Variants in LRRIQ3 observed in about 807,000 individuals in gnomAD.
LRRIQ3 encodes the protein leucine-rich repeat and IQ domain-containing protein 3.
Under a neutral mutation model 59.3 loss-of-function variants are expected in LRRIQ3, and 75 were observed. The observed-to-expected ratio is 1.26, with a 90% CI of 1.05 to 1.53. LRRIQ3 has a LOEUF of 1.53. Among genes scored for constraint, LRRIQ3 ranks in the 40% most tolerant of loss-of-function variants. The probability of loss-of-function intolerance (pLI) is 0.00; values close to 1 mark genes in which losing one functional copy is unlikely to be tolerated. For missense variants in LRRIQ3, 831 were observed against 710.0 expected (o/e 1.17, Z -1.94); for synonymous variants, 250 against 231.3 (o/e 1.08, Z -0.73).
intron 4 of LRRIQ3, among the ~76,000 whole-genome samples, chr1:74,120,489 G>A (rs1306838991): frequency 1.3e-5 from 2 of 151,820 alleles, no homozygotes; most frequent in Non-Finnish European, 2.9e-5. Context: ...ATATGCAATT[G>A]GAATTTTGTT....
chr1:74,176,795 G>C (rs927318324), intron 3 of LRRIQ3, among the ~76,000 whole-genome samples: 1 of 151,996 alleles, frequency 6.6e-6, no homozygotes, highest in African/African-American at 2.4e-5. Context: ...AGCAGGGAGG[G>C]GCAGGAATGT....
At chr1:74,103,395 T>C (rs892231682) in intron 5 of LRRIQ3, among the ~76,000 whole-genome samples, 3 of 151,930 alleles carry the variant, frequency 2.0e-5, no homozygotes, top group Admixed American at 1.3e-4. Flanking sequence ...AACCCTAAAA[T>C]GAGAGTTATA....
chr1:74,049,880 C>T (rs1398503474), intron 6 of LRRIQ3, among the ~76,000 whole-genome samples: 1 of 151,104 alleles, frequency 6.6e-6, no homozygotes, highest in African/African-American at 2.4e-5. Flanking sequence ...CCTAGTAATA[C>T]TCAGGTTAAA....
Position 74,109,439 on chromosome 1 carries a change from G to A in LRRIQ3, c.822C>T (p.Phe274=), listed in dbSNP as rs1557619598. ...YEDKLLKDLF[F]KPETNIKGKL... Reference sequence around the variant, plus strand: ...TTCCTTTTATATTAGTTTCAGGTTTGAAAAAGAGATCCTTAAGGAGCTTAT... The same window carrying A: ...TTCCTTTTATATTAGTTTCAGGTTTAAAAAAGAGATCCTTAAGGAGCTTAT... Residue 274 remains phenylalanine (F), a synonymous_variant, in exon 5 of 8, where the codon TTC becomes TTT. Transcript: ENST00000354431. 1 of 1,565,378 alleles carries A rather than the reference G, an allele frequency of 6.4e-7. No homozygotes were observed. The highest frequency in any genetic ancestry group is 8.7e-7 in the Non-Finnish European group (1 of 1,156,040).
intron 3 of LRRIQ3, among the ~76,000 whole-genome samples, chr1:74,159,237 T>C (rs184017216): frequency 6.6e-6 from 1 of 152,300 alleles, no homozygotes; most frequent in Non-Finnish European, 1.5e-5. Flanking sequence ...ATCAGCTTTT[T>C]GAATAAGGTC....
At chr1:74,042,025 CT>C in intron 6 of LRRIQ3, 92 bp from the exon 7 acceptor site, 1 of 1,250,210 alleles carries the variant, frequency 8.0e-7, no homozygotes, top group South Asian at 2.3e-5. Context: ...TGATAAGAAC[CT>C]TTTATTTACT....
chr1:74,107,195 C>T (rs965975955), intron 5 of LRRIQ3, among the ~76,000 whole-genome samples: 1 of 151,976 alleles, frequency 6.6e-6, no homozygotes, highest in Non-Finnish European at 1.5e-5. Flanking sequence ...AAGTCAAGCA[C>T]GTTTTATTCC....
chr1:74,141,774 A>G (rs926532092), intron 4 of LRRIQ3, among the ~76,000 whole-genome samples: 12 of 151,794 alleles, frequency 7.9e-5, no homozygotes, highest in African/African-American at 2.7e-4. Context: ...ATTTTGGTAA[A>G]ATATTGGGCT....
At chr1:74,084,269 C>CT in intron 5 of LRRIQ3, 1 of 1,492,648 alleles carries the variant, frequency 6.7e-7, no homozygotes, top group Non-Finnish European at 9.1e-7. Context: ...CAGTTAAACT[C>CT]TTGAGGTGTA....
Position 74,026,973 on chromosome 1 carries a change from A to T in LRRIQ3, c.1719-4T>A, listed in dbSNP as rs765666898. ...TCTTTTATATATTTCTTGAGATCTA[A>T]GAGGAGAAAGAAAGGTAATAGAATG... is the stretch of plus-strand genomic sequence containing the variant. On this transcript the variant is annotated splice_region_variant and splice_polypyrimidine_tract_variant and intron_variant, in intron 7 of 7. Coordinates refer to ENST00000354431, the MANE Select transcript of LRRIQ3 (RefSeq NM_001105659.2). 4.6e-6 allele frequency: 7 copies of T among 1,505,720 alleles called. No homozygotes were observed. Among genetic ancestry groups the T allele is most frequent in the Non-Finnish European group, 6.3e-6 (7 of 1,104,268 alleles). 93.3% of individuals were successfully genotyped at this position (1,505,720 alleles called of 1,614,324 possible).
intron 6 of LRRIQ3, among the ~76,000 whole-genome samples, chr1:74,072,764 T>C (rs1655063415): frequency 6.6e-6 from 1 of 152,098 alleles, no homozygotes; most frequent in Non-Finnish European, 1.5e-5. Flanking sequence ...CCACAGTCAT[T>C]CACTCAAATT....
chr1:74,059,777 T>G (rs1173768574), intron 6 of LRRIQ3, among the ~76,000 whole-genome samples: 1 of 152,052 alleles, frequency 6.6e-6, no homozygotes, highest in Non-Finnish European at 1.5e-5. Flanking sequence ...ATCTCTATAT[T>G]GCTTTCAGTA....
At chr1:74,038,326 C>T (rs1570006439) in intron 7 of LRRIQ3, among the ~76,000 whole-genome samples, 1 of 152,112 alleles carries the variant, frequency 6.6e-6, no homozygotes, top group Non-Finnish European at 1.5e-5. Flanking sequence ...GGGCCTGAGC[C>T]CCCAGGGTGA....
intron 4 of LRRIQ3, among the ~76,000 whole-genome samples, chr1:74,139,149 T>A (rs1016879191): frequency 1.2e-4 from 18 of 151,466 alleles, no homozygotes; most frequent in African/African-American, 4.4e-4. Flanking sequence ...TACATGTGTG[T>A]GTGTATATAT....
chr1:74,176,932 T>C (rs1156261964), intron 3 of LRRIQ3, among the ~76,000 whole-genome samples: 1 of 152,116 alleles, frequency 6.6e-6, no homozygotes, highest in Non-Finnish European at 1.5e-5. Context: ...CTCAAAAAGG[T>C]AGAGGTCTAA....
chr1:74,187,444 G>A (rs1160599387), intron 1 of LRRIQ3, among the ~76,000 whole-genome samples: 1 of 151,942 alleles, frequency 6.6e-6, no homozygotes, highest in Admixed American at 6.6e-5. Flanking sequence ...CAACTTGGAT[G>A]TAGCCCAGAA....
intron 3 of LRRIQ3, among the ~76,000 whole-genome samples, chr1:74,158,477 G>A (rs1648474338): frequency 6.6e-6 from 1 of 152,050 alleles, no homozygotes; most frequent in Admixed American, 6.5e-5. Flanking sequence ...TGTATTTCTT[G>A]AACTGCCTTT....
intron 5 of LRRIQ3, among the ~76,000 whole-genome samples, chr1:74,094,606 T>C (rs954366796): frequency 2.6e-5 from 4 of 152,136 alleles, no homozygotes; most frequent in African/African-American, 9.7e-5. Context: ...AATGAATTTA[T>C]CCCATTTTAA....
chr1:74,125,339 C>G (rs964227412), intron 4 of LRRIQ3, among the ~76,000 whole-genome samples: 3 of 152,002 alleles, frequency 2.0e-5, no homozygotes, highest in Non-Finnish European at 4.4e-5. Flanking sequence ...AATTTGAATG[C>G]CCTTTATTTC....
Sources: allele counts gnomAD v4.1 joint callset (sites outside exome capture counted in the v4.1 genomes callset), GRCh38; gene constraint gnomAD v4.1.1; transcripts MANE v1.5; gene names NCBI Gene and HGNC (gene_info 2026-07-23, HGNC 2026-07-21).